The following CRK variants were observed in gnomAD, a reference collection of about 807,000 sequenced individuals.
The protein encoded by CRK is CRK proto-oncogene, adaptor protein.
A neutral mutation model predicts 29.8 loss-of-function variants in CRK; 4 were observed. The observed-to-expected ratio is 0.13, with a 90% CI of 0.07 to 0.31. CRK has a LOEUF of 0.31. Ranked by LOEUF, CRK falls within the 10% of genes least tolerant of loss-of-function variation. The probability of loss-of-function intolerance (pLI) is 1.00; values close to 1 mark genes in which losing one functional copy is unlikely to be tolerated. For synonymous variants in CRK, 153 were observed against 164.9 expected, an observed-to-expected ratio of 0.93 and a Z score of 0.55; for missense variants, 274 against 396.5, an observed-to-expected ratio of 0.69 and a Z score of 2.62.
At chr17:1,455,609 G>A (rs1288510975) in intron 1 of CRK, among the ~76,000 whole-genome samples, 1 of 151,998 alleles carries the variant, frequency 6.6e-6, no homozygotes, top group African/African-American at 2.4e-5. Context: ...TGGCCCGGGA[G>A]CCAGCCCCAC....
intron 1 of CRK, among the ~76,000 whole-genome samples, chr17:1,448,532 AGAAC>A (rs2073992472): frequency 6.8e-6 from 1 of 147,900 alleles, no homozygotes; most frequent in South Asian, 2.2e-4. Context: ...CTGAGGCAGG[AGAAC>A]TGCCTGAACC....
chr17:1,453,178 C>T (rs565940471), intron 1 of CRK, among the ~76,000 whole-genome samples: 4 of 152,280 alleles, frequency 2.6e-5, no homozygotes, highest in East Asian at 3.9e-4. Context: ...TCACAATACT[C>T]GTGAATTTTC....
chr17:1,438,263 G>A (rs2150906633), intron 1 of CRK, among the ~76,000 whole-genome samples: 1 of 152,092 alleles, frequency 6.6e-6, no homozygotes, highest in South Asian at 2.1e-4. Context: ...CTGAGCAGCT[G>A]GGACTACAGG....
At chr17:1,423,919 GA>G (rs1371541555) in intron 2 of CRK, among the ~76,000 whole-genome samples, 5 of 152,196 alleles carry the variant, frequency 3.3e-5, no homozygotes, top group African/African-American at 1.2e-4. Flanking sequence ...ATTAAAAAAG[GA>G]AAGTGATAAT....
At chr17:1,427,737 C>T (rs1013993682) in intron 2 of CRK, among the ~76,000 whole-genome samples, 9 of 151,728 alleles carry the variant, frequency 5.9e-5, no homozygotes, top group Admixed American at 5.3e-4. Flanking sequence ...TCAAACAATT[C>T]TCCTGCCTCA....
At chr17:1,430,904 A>G (rs867342272) in intron 2 of CRK, among the ~76,000 whole-genome samples, 5 of 151,492 alleles carry the variant, frequency 3.3e-5, no homozygotes, top group African/African-American at 1.2e-4. Flanking sequence ...CGTCTCTACT[A>G]AAAATACAAA....
intron 1 of CRK, among the ~76,000 whole-genome samples, chr17:1,448,987 C>A (rs1568021707): frequency 2.0e-5 from 3 of 152,142 alleles, no homozygotes; most frequent in Non-Finnish European, 4.4e-5. Context: ...TATGACGGAG[C>A]CACTGCACAC....
Position 1,442,233 on chromosome 17 carries a change from C to A in CRK, c.242-5078G>T, listed in dbSNP as rs551739592. On this transcript the variant is annotated intron_variant, in intron 1 of 2. Coordinates refer to ENST00000300574, the MANE Select transcript of CRK (RefSeq NM_016823.4). ...GCAGTGGCATAATCTCAGCTCACTGCAGCCTCCACTTCCTAGGCTCTAGTA... is the reference window on the plus strand; with the variant it reads ...GCAGTGGCATAATCTCAGCTCACTGAAGCCTCCACTTCCTAGGCTCTAGTA... Among the ~76,000 whole-genome samples the A allele has an allele frequency of 2.6e-5, 4 of 151,560 alleles. No individual in the cohort carries two copies. In the East Asian group the frequency reaches 5.8e-4, roughly 22 times the overall value.
chr17:1,424,796 T>A (rs1219963700), intron 2 of CRK: 4 of 152,074 alleles, frequency 2.6e-5, no homozygotes, highest in Admixed American at 2.6e-4. Context: ...GATGGATTGC[T>A]TCAGCTCAGG....
chr17:1,425,343 C>T (rs1373828750), intron 2 of CRK, among the ~76,000 whole-genome samples: 13 of 152,024 alleles, frequency 8.6e-5, no homozygotes, highest in Admixed American at 1.3e-4. Context: ...CCGCCCGCCT[C>T]GGCCTCCCAA....
intron 2 of CRK, 38 bp downstream of exon 2, chr17:1,436,582 A>G (rs866540282): frequency 6.4e-7 from 1 of 1,556,060 alleles, no homozygotes; most frequent in Non-Finnish European, 8.6e-7. Flanking sequence ...GAGACCCTGC[A>G]GCAGATCTCT....
intron 1 of CRK, among the ~76,000 whole-genome samples, chr17:1,437,823 T>G (rs964091481): frequency 6.6e-6 from 1 of 150,644 alleles, no homozygotes; most frequent in Non-Finnish European, 1.5e-5. Context: ...CAAGCTAATT[T>G]TTTTTTTTTT....
chr17:1,448,173 T>C (rs938628559), intron 1 of CRK, among the ~76,000 whole-genome samples: 9 of 151,746 alleles, frequency 5.9e-5, no homozygotes, highest in African/African-American at 1.2e-4. Context: ...CCTAAGCAAA[T>C]AGAATGTTCT....
chr17:1,423,548 G>A lies in CRK; in HGVS notation c.880C>T (p.Leu294=). 6.2e-7 allele frequency: 1 copy of A among 1,613,908 alleles called. No individual in the cohort carries two copies. Among genetic ancestry groups the A allele is most frequent in the Non-Finnish European group, 8.5e-7 (1 of 1,179,982 alleles). ...GHFPFTHVRL[L]DQQNPDEDFS ...TCCTCATCGGGATTCTGTTGATCCAGCAGACGGACATGTGTGAATGGGAAG... is the reference window on the plus strand; with the variant it reads ...TCCTCATCGGGATTCTGTTGATCCAACAGACGGACATGTGTGAATGGGAAG... Residue 294 remains leucine (L), a synonymous_variant, in exon 3 of 3, where the codon CTG becomes TTG. Transcript: ENST00000300574.
chr17:1,430,976 G>A (rs1054321818), intron 2 of CRK, among the ~76,000 whole-genome samples: 1 of 152,030 alleles, frequency 6.6e-6, no homozygotes, highest in Non-Finnish European at 1.5e-5. Flanking sequence ...GCTGAGGCAG[G>A]AGAATAGCGT....
At chr17:1,442,016 T>A (rs368556040) in intron 1 of CRK, among the ~76,000 whole-genome samples, 2,095 of 151,934 alleles carry the variant, frequency 0.014, 46 homozygotes, top group African/African-American at 0.047. Flanking sequence ...CTACCATGCC[T>A]GTATTTTTTT....
At chr17:1,435,905 G>C (rs761442438) in intron 2 of CRK, among the ~76,000 whole-genome samples, 1 of 152,100 alleles carries the variant, frequency 6.6e-6, no homozygotes, top group Admixed American at 6.6e-5. Flanking sequence ...AAAGGAAGGA[G>C]GTAGGAGAGC....
chr17:1,428,619 G>A (rs557447414), intron 2 of CRK, among the ~76,000 whole-genome samples: 2 of 138,688 alleles, frequency 1.4e-5, no homozygotes, highest in African/African-American at 2.7e-5. Context: ...TGCCTCCCAG[G>A]TTCAAGTGAT....
intron 1 of CRK, among the ~76,000 whole-genome samples, chr17:1,439,033 C>T (rs2073912783): frequency 6.6e-6 from 1 of 151,432 alleles, no homozygotes; most frequent in Non-Finnish European, 1.5e-5. Flanking sequence ...GGGGTTTCAC[C>T]ACGTTGCCCA....
Sources: gnomAD v4.1 joint callset for allele counts (sites outside exome capture counted in the v4.1 genomes callset) on GRCh38, gnomAD v4.1.1 for gene constraint, MANE v1.5 for transcripts, NCBI Gene and HGNC (gene_info 2026-07-23, HGNC 2026-07-21) for gene names.